Variants in CNTNAP3B observed in about 807,000 individuals in gnomAD.
The protein encoded by CNTNAP3B is contactin-associated protein-like 3B.
Under a neutral mutation model 108.9 loss-of-function variants are expected in CNTNAP3B, and 25 were observed. The ratio of observed to expected loss-of-function variants is 0.23; its 90% CI spans 0.17 to 0.32. The LOEUF is 0.32. Among genes scored for constraint, CNTNAP3B ranks in the 10% least tolerant of loss-of-function variants. The probability of loss-of-function intolerance (pLI) is 1.00; values close to 1 mark genes in which losing one functional copy is unlikely to be tolerated. For missense variants in CNTNAP3B, 252 were observed against 1,210.4 expected, an observed-to-expected ratio of 0.21 and a Z score of 11.75; for synonymous variants, 103 against 473.4, an observed-to-expected ratio of 0.22 and a Z score of 10.16.
At chr9:42,127,544 C>T (rs1009649073) in intron 1 of CNTNAP3B, among the ~76,000 whole-genome samples, 6 of 139,546 alleles carry the variant, frequency 4.3e-5, no homozygotes, top group African/African-American at 1.7e-4. Flanking sequence ...TGGTCAATTA[C>T]TCTAGCATGC....
At chr9:41,968,740 C>G (rs1378262300) in intron 10 of CNTNAP3B, among the ~76,000 whole-genome samples, 24 of 144,802 alleles carry the variant, frequency 1.7e-4, no homozygotes, top group South Asian at 2.2e-4. Flanking sequence ...ACAGAATTGA[C>G]TAACTGAATT....
At chr9:41,950,342 A>T (rs1228610018) in intron 13 of CNTNAP3B, among the ~76,000 whole-genome samples, 1 of 131,432 alleles carries the variant, frequency 7.6e-6, no homozygotes, top group African/African-American at 2.9e-5. Flanking sequence ...TATAAAACTA[A>T]GTATGCAATT....
intron 3 of CNTNAP3B, among the ~76,000 whole-genome samples, chr9:42,058,526 C>A (rs1188551077): frequency 2.8e-5 from 4 of 144,278 alleles, no homozygotes; most frequent in African/African-American, 8.0e-5. Flanking sequence ...TGAGAAATGT[C>A]TTTTCAGGTC....
chr9:41,929,984 A>G (rs1437337171), intron 14 of CNTNAP3B, among the ~76,000 whole-genome samples: 3 of 152,212 alleles, frequency 2.0e-5, no homozygotes, highest in East Asian at 1.9e-4. Flanking sequence ...CCCTTCTAAA[A>G]TTGTCTTAGA....
At chr9:41,964,754 C>T in intron 10 of CNTNAP3B, 110 bp from the exon 11 acceptor site, 1 of 1,414,006 alleles carries the variant, frequency 7.1e-7, no homozygotes, top group Non-Finnish European at 9.4e-7. Context: ...GATAACCCCA[C>T]ATGACGTGAT....
At chr9:41,921,494 G>A (rs1823665974) in intron 17 of CNTNAP3B, among the ~76,000 whole-genome samples, 2 of 149,372 alleles carry the variant, frequency 1.3e-5, no homozygotes, top group African/African-American at 2.5e-5. Flanking sequence ...AAATTAGGTT[G>A]GGTGATAATT....
chr9:41,972,751 G>A (rs1825444187), intron 9 of CNTNAP3B, among the ~76,000 whole-genome samples: 1 of 134,590 alleles, frequency 7.4e-6, no homozygotes, highest in South Asian at 2.4e-4. Context: ...TCTGAAGAAT[G>A]GGATAGAGAG....
intron 11 of CNTNAP3B, among the ~76,000 whole-genome samples, chr9:41,962,141 A>C (rs1825116270): frequency 6.6e-6 from 1 of 152,222 alleles, no homozygotes; most frequent in Non-Finnish European, 1.5e-5. Context: ...AATTGATTTT[A>C]ATTGTATAAT....
At chr9:42,048,968 ATCTCT>A (rs1826925175) in intron 3 of CNTNAP3B, among the ~76,000 whole-genome samples, 1 of 43,712 alleles carries the variant, frequency 2.3e-5, no homozygotes, top group Non-Finnish European at 4.2e-5. Flanking sequence ...TGAGAAAGTT[ATCTCT>A]TCTCTTAAAT....
chr9:41,916,597 G>C (rs1367499131), intron 18 of CNTNAP3B, among the ~76,000 whole-genome samples: 3 of 147,268 alleles, frequency 2.0e-5, no homozygotes, highest in Admixed American at 6.7e-5. Context: ...ATACCTAATA[G>C]TTGTATGTAT....
At chr9:41,921,656 AAAC>A (rs1486729896) in intron 17 of CNTNAP3B, among the ~76,000 whole-genome samples, 2 of 152,304 alleles carry the variant, frequency 1.3e-5, no homozygotes, top group African/African-American at 4.8e-5. Flanking sequence ...GGGGAAAAAT[AAAC>A]AACAGTGATA....
chr9:41,943,051 G>A (rs1452745338), intron 13 of CNTNAP3B, among the ~76,000 whole-genome samples: 3 of 152,402 alleles, frequency 2.0e-5, no homozygotes, highest in South Asian at 4.1e-4. Context: ...ATCAGATAAG[G>A]AATTTGAAAT....
At chr9:41,930,360 T>TA (rs2118005381) in intron 14 of CNTNAP3B, among the ~76,000 whole-genome samples, 1 of 152,406 alleles carries the variant, frequency 6.6e-6, no homozygotes, top group South Asian at 2.1e-4. Flanking sequence ...CTGGGCAACA[T>TA]AGTGAGGCCC....
chr9:42,095,885 G>A (rs1177172778), intron 2 of CNTNAP3B, among the ~76,000 whole-genome samples: 1 of 138,128 alleles, frequency 7.2e-6, no homozygotes, highest in Non-Finnish European at 1.5e-5. Flanking sequence ...GCCCCAAGTA[G>A]AGGTCAGCAC....
intron 18 of CNTNAP3B, among the ~76,000 whole-genome samples, chr9:41,916,302 T>G (rs1353500698): frequency 6.8e-6 from 1 of 147,782 alleles, no homozygotes; most frequent in Admixed American, 6.7e-5. Context: ...TATATATTTG[T>G]ATATTCTCTA....
At chr9:41,926,065 T>A (rs1823810858) in intron 15 of CNTNAP3B, among the ~76,000 whole-genome samples, 1 of 152,294 alleles carries the variant, frequency 6.6e-6, no homozygotes, top group South Asian at 2.1e-4. Flanking sequence ...CTCTCTCTTC[T>A]ATGTGTATTC....
intron 3 of CNTNAP3B, among the ~76,000 whole-genome samples, chr9:42,063,248 G>C (rs1382246306): frequency 7.8e-6 from 1 of 127,566 alleles, no homozygotes; most frequent in Non-Finnish European, 1.6e-5. Context: ...TCTTGACTTT[G>C]TGTGTGTGTG....
intron 3 of CNTNAP3B, among the ~76,000 whole-genome samples, chr9:42,037,070 G>A (rs1397619594): frequency 7.4e-6 from 1 of 135,726 alleles, no homozygotes. Flanking sequence ...AAAGGCCAAA[G>A]GTAGATAAAA....
At chr9:41,940,398 T>C (rs1460184793) in intron 13 of CNTNAP3B, among the ~76,000 whole-genome samples, 9 of 152,406 alleles carry the variant, frequency 5.9e-5, no homozygotes, top group Admixed American at 2.6e-4. Flanking sequence ...TGAATGATAG[T>C]AGATTACTCA....
Sources: allele counts gnomAD v4.1 joint callset (sites outside exome capture counted in the v4.1 genomes callset), GRCh38; gene constraint gnomAD v4.1.1; transcripts MANE v1.5; gene names NCBI Gene and HGNC (gene_info 2026-07-23, HGNC 2026-07-21).